GALNTL6: variants seen among roughly 807,000 people sequenced by gnomAD.
The protein encoded by GALNTL6 is polypeptide N-acetylgalactosaminyltransferase like 6, also known as polypeptide N-acetylgalactosaminyltransferase-like 6.
A neutral mutation model predicts 73.7 loss-of-function variants in GALNTL6; 46 were observed. The observed-to-expected ratio is 0.62, with a 90% CI of 0.49 to 0.80. The LOEUF (loss-of-function observed/expected upper bound fraction) is 0.80, where lower values mean the gene tolerates loss of function less well. Among genes scored for constraint, GALNTL6 ranks in the 30% least tolerant of loss-of-function variants. The pLI, the probability that GALNTL6 is intolerant of heterozygous loss-of-function variation, is 0.00. For synonymous variants in GALNTL6, 259 were observed against 263.7 expected (o/e 0.98, Z 0.17); for missense variants, 604 against 755.0 (o/e 0.80, Z 2.34).
chr4:172,982,944 A>G (rs1218727948), intron 10 of GALNTL6, among the ~76,000 whole-genome samples: 2 of 152,098 alleles, frequency 1.3e-5, no homozygotes, highest in African/African-American at 4.8e-5. Flanking sequence ...ATACATATGG[A>G]TATAGAGAGT....
At chr4:172,495,599 G>A (rs913610104) in intron 5 of GALNTL6, among the ~76,000 whole-genome samples, 1 of 152,186 alleles carries the variant, frequency 6.6e-6, no homozygotes, top group East Asian at 1.9e-4. Flanking sequence ...TATACTATAC[G>A]GTTCTGCTGC....
chr4:171,915,375 G>A (rs1335709856), intron 2 of GALNTL6, among the ~76,000 whole-genome samples: 1 of 152,146 alleles, frequency 6.6e-6, no homozygotes, highest in Non-Finnish European at 1.5e-5. Context: ...AACTGACGAT[G>A]ATGCTTCCTG....
intron 3 of GALNTL6, among the ~76,000 whole-genome samples, chr4:172,302,415 A>G (rs760589417): frequency 6.6e-6 from 1 of 152,152 alleles, no homozygotes; most frequent in Non-Finnish European, 1.5e-5. Flanking sequence ...AGATGCACCC[A>G]GTACCTCAGT....
chr4:172,742,094 G>GATAC (rs1331868701), intron 5 of GALNTL6, among the ~76,000 whole-genome samples: 1 of 151,926 alleles, frequency 6.6e-6, no homozygotes, highest in African/African-American at 2.4e-5. Flanking sequence ...AAAACCATTT[G>GATAC]ATACATGTAA....
intron 7 of GALNTL6, among the ~76,000 whole-genome samples, chr4:172,844,193 G>C (rs557158669): frequency 6.6e-6 from 1 of 152,168 alleles, no homozygotes; most frequent in Non-Finnish European, 1.5e-5. Context: ...CATGTTCAAC[G>C]TGCTTTCTGA....
chr4:172,881,274 A>G (rs1042756832), intron 7 of GALNTL6, among the ~76,000 whole-genome samples: 1 of 152,192 alleles, frequency 6.6e-6, no homozygotes, highest in African/African-American at 2.4e-5. Flanking sequence ...ATGGGAAAAG[A>G]TCAGGCTGCT....
intron 2 of GALNTL6, among the ~76,000 whole-genome samples, chr4:171,941,817 T>A (rs912281095): frequency 1.1e-4 from 17 of 152,208 alleles, no homozygotes; most frequent in Admixed American, 2.0e-4. Flanking sequence ...AAGAGGTATA[T>A]GGCTTTATTT....
rs571251367 is a variant in GALNTL6, at chr4:172,388,838, A to G, written c.553+40149A>G. 9.2e-5 allele frequency among the ~76,000 whole-genome samples: 14 copies of G among 152,164 alleles called. No individual in the cohort carries two copies. The East Asian group carries it at 2.5e-3, about 27-fold the overall frequency. On this transcript the variant is annotated intron_variant, in intron 5 of 12. Coordinates refer to ENST00000506823, the MANE Select transcript of GALNTL6 (RefSeq NM_001034845.3). ...GCAACCTGCTTCGGGGGTAGCGGGT[A>G]CCATACTTACATGACATCCTCCCAA...
chr4:172,161,099 C>A (rs192542601), intron 2 of GALNTL6, among the ~76,000 whole-genome samples: 82 of 151,822 alleles, frequency 5.4e-4, no homozygotes, highest in African/African-American at 1.9e-3. Context: ...GAAAGCCAGG[C>A]TTTTGTCACA....
chr4:172,457,107 TC>T (rs1732426619), intron 5 of GALNTL6, among the ~76,000 whole-genome samples: 1 of 151,922 alleles, frequency 6.6e-6, no homozygotes, highest in South Asian at 2.1e-4. Flanking sequence ...AAACTAAGCT[TC>T]ATAAGCAAAG....
intron 5 of GALNTL6, among the ~76,000 whole-genome samples, chr4:172,516,839 A>G (rs1734624978): frequency 6.6e-6 from 1 of 152,240 alleles, no homozygotes; most frequent in Non-Finnish European, 1.5e-5. Context: ...TAAATGTAAT[A>G]TCATTCAGCC....
chr4:172,183,125 T>C (rs572178132), intron 2 of GALNTL6, among the ~76,000 whole-genome samples: 3 of 152,328 alleles, frequency 2.0e-5, no homozygotes, highest in East Asian at 1.9e-4. Context: ...AATATGTCTA[T>C]ATAAGAATAT....
chr4:171,949,700 G>GA (rs1217880193), intron 2 of GALNTL6, among the ~76,000 whole-genome samples: 4 of 151,882 alleles, frequency 2.6e-5, no homozygotes, highest in African/African-American at 9.7e-5. Context: ...TGACAGCAGA[G>GA]AAAAAATATA....
intron 5 of GALNTL6, among the ~76,000 whole-genome samples, chr4:172,781,602 G>A (rs927109482): frequency 6.6e-6 from 1 of 152,028 alleles, no homozygotes; most frequent in Non-Finnish European, 1.5e-5. Flanking sequence ...GAGCCTTATT[G>A]ATCAGTTTAA....
intron 5 of GALNTL6, among the ~76,000 whole-genome samples, chr4:172,354,167 A>G (rs1225507685): frequency 6.6e-6 from 1 of 152,090 alleles, no homozygotes; most frequent in Non-Finnish European, 1.5e-5. Flanking sequence ...CAGGTACTTC[A>G]CTAGATTATA....
intron 12 of GALNTL6, among the ~76,000 whole-genome samples, chr4:173,031,418 G>A (rs866781620): frequency 6.6e-6 from 1 of 152,164 alleles, no homozygotes; most frequent in Non-Finnish European, 1.5e-5. Flanking sequence ...TTTAGTTATA[G>A]CTAAATCTTA....
intron 9 of GALNTL6, among the ~76,000 whole-genome samples, chr4:172,941,497 T>C (rs756588986): frequency 5.9e-5 from 9 of 152,182 alleles, no homozygotes; most frequent in Non-Finnish European, 1.2e-4. Flanking sequence ...TTTCAGGCGG[T>C]TATTGAGCAT....
chr4:172,737,380 C>G (rs1222771543), intron 5 of GALNTL6, among the ~76,000 whole-genome samples: 1 of 151,940 alleles, frequency 6.6e-6, no homozygotes, highest in Non-Finnish European at 1.5e-5. Context: ...ATTCTTTCCT[C>G]TGCTTGCTTC....
chr4:172,716,550 C>T (rs1162628839), intron 5 of GALNTL6, among the ~76,000 whole-genome samples: 1 of 152,176 alleles, frequency 6.6e-6, no homozygotes, highest in Non-Finnish European at 1.5e-5. Context: ...TGCTCACTCC[C>T]ATAACGCGGC....
Sources: gnomAD v4.1 joint callset for allele counts (sites outside exome capture counted in the v4.1 genomes callset) on GRCh38, gnomAD v4.1.1 for gene constraint, MANE v1.5 for transcripts, NCBI Gene and HGNC (gene_info 2026-07-23, HGNC 2026-07-21) for gene names.